ITSN2: variants seen among roughly 807,000 people sequenced by gnomAD.
ITSN2 encodes intersectin-2.
Under a neutral mutation model 243.7 loss-of-function variants are expected in ITSN2, and 156 were observed. The ratio of observed to expected loss-of-function variants is 0.64; its 90% CI spans 0.56 to 0.73. The LOEUF is 0.73. ITSN2 is among the 30% of genes least tolerant of loss of function. The pLI, the probability that ITSN2 is intolerant of heterozygous loss-of-function variation, is 0.00. For synonymous variants in ITSN2, 703 were observed against 699.9 expected (o/e 1.00, Z -0.07); for missense variants, 1,801 against 1,996.1 (o/e 0.90, Z 1.86).
intron 25 of ITSN2, among the ~76,000 whole-genome samples, chr2:24,250,876 A>T (rs552616572): frequency 6.6e-6 from 1 of 152,190 alleles, no homozygotes; most frequent in Non-Finnish European, 1.5e-5. Flanking sequence ...GACATGAGAA[A>T]GTAGCTGACT....
chr2:24,308,984 T>C (rs1053006873), intron 7 of ITSN2: 3 of 518,234 alleles, frequency 5.8e-6, no homozygotes, highest in Admixed American at 4.6e-5. Flanking sequence ...TAGATTCTCA[T>C]AAGAGTGCAA....
At chr2:24,346,958 G>A (rs1259955092) in intron 1 of ITSN2, among the ~76,000 whole-genome samples, 2 of 144,666 alleles carry the variant, frequency 1.4e-5, no homozygotes, top group South Asian at 2.2e-4. Flanking sequence ...TCCACCTCCC[G>A]GTTTCAAGTG....
chr2:24,245,209 T>A (rs1452112443), intron 29 of ITSN2, among the ~76,000 whole-genome samples: 3 of 152,186 alleles, frequency 2.0e-5, no homozygotes, highest in African/African-American at 4.8e-5. Context: ...TAATTTTATA[T>A]AGTACCAAAC....
At chr2:24,278,368 A>G (rs1009652654) in intron 17 of ITSN2, among the ~76,000 whole-genome samples, 2 of 152,234 alleles carry the variant, frequency 1.3e-5, no homozygotes, top group Non-Finnish European at 2.9e-5. Context: ...AGGTGTCTCC[A>G]GCCAACAGAG....
Position 24,261,257 on chromosome 2 carries a change from A to C in ITSN2, c.2538-7T>G, listed in dbSNP as rs369218984. The C allele has an allele frequency of 4.4e-6, 7 of 1,597,388 alleles. No homozygotes were observed. The highest frequency in any genetic ancestry group is 6.0e-6 in the Non-Finnish European group (7 of 1,166,200). ...TTGATTTGAAGAAAGTGGTCTGCAA[A>C]TATAACACTTTGATATAAGTATATT... On this transcript the variant is annotated splice_polypyrimidine_tract_variant and splice_region_variant and intron_variant, in intron 21 of 39. Transcript: ENST00000355123.
At position 24,334,851 on chromosome 2, in the gene ITSN2, C is replaced by G. The variant is rs1349942316; in HGVS notation, c.-33-6736G>C. 4.1e-5 allele frequency: 27 copies of G among 652,768 alleles called. No individual in the cohort carries two copies. In the East Asian group the frequency reaches 8.0e-4, roughly 19 times the overall value. 40.4% of individuals were successfully genotyped at this position (652,768 alleles called of 1,614,324 possible). ...GGCCGAGGCGGGCGGATCACGAGGTCAGGAGATCGAGACCATCCTGGCTAA... is the reference window on the plus strand; with the variant it reads ...GGCCGAGGCGGGCGGATCACGAGGTGAGGAGATCGAGACCATCCTGGCTAA... On this transcript the variant is annotated intron_variant, in intron 1 of 39. Coordinates refer to ENST00000355123, the MANE Select transcript of ITSN2 (RefSeq NM_006277.3).
chr2:24,348,357 G>A (rs1687739621), intron 1 of ITSN2, among the ~76,000 whole-genome samples: 1 of 151,688 alleles, frequency 6.6e-6, no homozygotes, highest in Non-Finnish European at 1.5e-5. Flanking sequence ...TGTACTTTTT[G>A]TAGAGACATT....
chr2:24,287,097 TC>T (rs2151565545), intron 15 of ITSN2, among the ~76,000 whole-genome samples: 1 of 152,284 alleles, frequency 6.6e-6, no homozygotes, highest in South Asian at 2.1e-4. Context: ...TGCAAGTTCA[TC>T]CCCCTTTTAG....
chr2:24,239,316 C>T (rs1163134283), intron 29 of ITSN2: 1 of 152,222 alleles, frequency 6.6e-6, no homozygotes, highest in Non-Finnish European at 1.5e-5. Context: ...CAGTTTCTTT[C>T]TTTTAAACTA....
chr2:24,222,223 G>A (rs957038922), intron 29 of ITSN2, among the ~76,000 whole-genome samples: 3 of 123,782 alleles, frequency 2.4e-5, no homozygotes, highest in Admixed American at 2.2e-4. Flanking sequence ...CTGCACTCCA[G>A]CCTGGGCAAA....
chr2:24,233,541 G>T (rs1003816353), intron 29 of ITSN2, among the ~76,000 whole-genome samples: 9 of 152,212 alleles, frequency 5.9e-5, no homozygotes, highest in East Asian at 1.9e-4. Context: ...AGCAGCATGT[G>T]GGGGTGGCTA....
intron 37 of ITSN2, chr2:24,206,399 G>A (rs1031184185): frequency 7.8e-5 from 20 of 255,670 alleles, no homozygotes; most frequent in Middle Eastern, 1.8e-3. Flanking sequence ...GCAGGGGGCC[G>A]GCGGGGAGGA....
chr2:24,322,648 G>C (rs974391090), intron 2 of ITSN2, among the ~76,000 whole-genome samples: 2 of 152,102 alleles, frequency 1.3e-5, no homozygotes, highest in Non-Finnish European at 2.9e-5. Context: ...GGAAGAAAAT[G>C]TTTGTGATTT....
chr2:24,309,420 G>A (rs953884926), intron 7 of ITSN2, among the ~76,000 whole-genome samples: 3 of 152,116 alleles, frequency 2.0e-5, no homozygotes, highest in Non-Finnish European at 4.4e-5. Flanking sequence ...GGCTGGTCTC[G>A]AACTCCTGAG....
rs1306345467 is a variant in ITSN2, at chr2:24,209,842, A to G, written c.4449T>C (p.Asn1483=). 3 of 1,614,138 alleles carry G rather than the reference A, an allele frequency of 1.9e-6. No individual in the cohort carries two copies. The highest frequency in any genetic ancestry group is 1.7e-5 in the Admixed American group (1 of 60,026). ...GSEKLFSSKS[N]AQFKMYKTPI... ...CCGTTTTATACATTTTGAATTGAGC[A>G]TTGGACTTCGAGCTGAAAAGTTTCT... The change falls in exon 35 of 40, where the codon AAT becomes AAC. Residue 1483 remains asparagine, a synonymous_variant. Coordinates refer to ENST00000355123, the MANE Select transcript of ITSN2 (RefSeq NM_006277.3).
Position 24,310,339 on chromosome 2 carries a change from A to T in ITSN2, c.598T>A (p.Phe200Ile). The T allele has an allele frequency of 6.2e-7, 1 of 1,613,962 alleles. No individual in the cohort carries two copies. Among genetic ancestry groups the T allele is most frequent in the Non-Finnish European group, 8.5e-7 (1 of 1,179,946 alleles). Residue 200 changes from phenylalanine (F) to isoleucine (I), a missense_variant, in exon 7 of 40, where the codon TTT (phenylalanine) becomes ATT (isoleucine). This residue lies in a region of ITSN2 where 787 missense variants were observed against 803.9 expected (regional missense o/e 0.98). Transcript: ENST00000355123. ...GSSYSLMMGG[F>I]GGASIQKAQS... ...GCTTTCTGTATACTAGCACCTCCAAATCCTCCCATCATCAGACTATAAGAT... is the reference window on the plus strand; with the variant it reads ...GCTTTCTGTATACTAGCACCTCCAATTCCTCCCATCATCAGACTATAAGAT...
chr2:24,259,683 T>C (rs1268466086), intron 22 of ITSN2, among the ~76,000 whole-genome samples: 1 of 152,218 alleles, frequency 6.6e-6, no homozygotes, highest in Non-Finnish European at 1.5e-5. Flanking sequence ...AAATTGTTCT[T>C]TCATGGGAAT....
intron 29 of ITSN2, among the ~76,000 whole-genome samples, chr2:24,236,303 G>A (rs1672140430): frequency 6.6e-6 from 1 of 152,010 alleles, no homozygotes; most frequent in African/African-American, 2.4e-5. Flanking sequence ...AGACAAACAT[G>A]GAGACAAAAG....
intron 2 of ITSN2, chr2:24,321,957 C>G (rs374487085): frequency 1.3e-5 from 2 of 152,098 alleles, no homozygotes; most frequent in African/African-American, 4.8e-5. Context: ...AAGTAACTTG[C>G]TCAAGGTCAT....
Sources: gnomAD v4.1 joint callset for allele counts (sites outside exome capture counted in the v4.1 genomes callset) on GRCh38, gnomAD v4.1.1 for gene constraint, gnomAD v4.1.1 regional missense constraint, MANE v1.5 for transcripts, NCBI Gene and HGNC (gene_info 2026-07-23, HGNC 2026-07-21) for gene names.